Variants in TM2D2 observed in about 807,000 individuals in gnomAD.
TM2D2 encodes TM2 domain-containing protein 2.
A neutral mutation model predicts 23.0 loss-of-function variants in TM2D2; 19 were observed. The ratio of observed to expected loss-of-function variants is 0.82; its 90% CI spans 0.58 to 1.21. The LOEUF is 1.21. Among genes scored for constraint, TM2D2 ranks in the 50% most tolerant of loss-of-function variants. The pLI is 0.00. For synonymous variants in TM2D2, 120 were observed against 108.8 expected (o/e 1.10, Z -0.64); for missense variants, 246 against 265.4 (o/e 0.93, Z 0.51).
At chr8:38,996,985 C>G (rs1312942388), upstream of TM2D2, 6 of 1,544,032 alleles carry the variant, frequency 3.9e-6, no homozygotes, top group East Asian at 2.4e-5. Context: ...ACTTGGGGCC[C>G]CGGCAGGGTT....
chr8:38,994,240 C>T (rs1302481635), intron 2 of TM2D2, among the ~76,000 whole-genome samples: 1 of 152,030 alleles, frequency 6.6e-6, no homozygotes, highest in African/African-American at 2.4e-5. Flanking sequence ...AAATTCCAGC[C>T]AAAAATTTCA....
At position 38,990,554 on chromosome 8, in the gene TM2D2, T is replaced by C. The variant is rs561218478; in HGVS notation, c.*778A>G. The C allele has an allele frequency of 6.6e-6, 1 of 152,236 alleles. No homozygotes were observed. Among genetic ancestry groups the C allele is most frequent in the Non-Finnish European group, 1.5e-5 (1 of 68,052 alleles). The allele number at this position is 152,236 out of a possible 1,614,324, so 9.4% of individuals were successfully genotyped here. On this transcript the variant is annotated 3_prime_UTR_variant, in exon 4 of 4. Transcript: ENST00000456397. Reference sequence around the variant, plus strand: ...GTATGAAATCTTAATTTTATTAGCATGGGCTGGTAAACGCTGATTTTTAGA... The same window carrying C: ...GTATGAAATCTTAATTTTATTAGCACGGGCTGGTAAACGCTGATTTTTAGA...
In TM2D2 at chr8:38,996,483, C is replaced by A. The variant is rs373467896; in HGVS notation, c.-44G>T. 6 of 1,611,316 alleles carry A rather than the reference C, an allele frequency of 3.7e-6. No homozygotes were observed. Among genetic ancestry groups the A allele is most frequent in the Non-Finnish European group, 4.2e-6 (5 of 1,178,516 alleles). On this transcript the variant is annotated 5_prime_UTR_variant, in exon 1 of 4. Coordinates refer to ENST00000456397, the MANE Select transcript of TM2D2 (RefSeq NM_078473.3). ...GGAGACCCGGCCTCAACCACAACCCCAGGCCAGCAGCACAGACCCAAGAAC... is the reference window on the plus strand; with the variant it reads ...GGAGACCCGGCCTCAACCACAACCCAAGGCCAGCAGCACAGACCCAAGAAC...
rs11332696 is a variant in TM2D2 at position 38,992,303 on chromosome 8, C to CAAAAAAAAAAA, written c.432-769_432-759dup. ...CAACATAGCGAGACCCTGTTTCTAC[C>CAAAAAAAAAAA]AAAAAAAAAAAAAAAAAAAAAAAAA... On this transcript the variant is annotated intron_variant, in intron 3 of 3. Transcript: ENST00000456397. 2.7e-4 allele frequency among the ~76,000 whole-genome samples: 13 copies of CAAAAAAAAAAA among 47,416 alleles called. 2 individuals are homozygous for CAAAAAAAAAAA. The highest frequency in any genetic ancestry group is 1.1e-3 in the African/African-American group (12 of 11,038). 31.1% of individuals were successfully genotyped at this position (47,416 alleles called of 152,430 possible).
upstream of TM2D2, chr8:38,996,944 T>TGCTCGTCGGGCGCGCGC (rs769003433): frequency 1.8e-5 from 26 of 1,419,086 alleles, no homozygotes; most frequent in East Asian, 5.1e-5. Context: ...CGGGCGCGCG[T>TGCTCGTCGGGCGCGCGC]GCTCGTCGGG....
rs373467896 is a variant in TM2D2, at chr8:38,996,483, C to T, written c.-44G>A. On this transcript the variant is annotated 5_prime_UTR_variant, in exon 1 of 4. Coordinates refer to ENST00000456397, the MANE Select transcript of TM2D2 (RefSeq NM_078473.3). ...GGAGACCCGGCCTCAACCACAACCC[C>T]AGGCCAGCAGCACAGACCCAAGAAC... The T allele has an allele frequency of 3.6e-3, 5,728 of 1,611,312 alleles. 50 individuals are homozygous for T. Among genetic ancestry groups the T allele is most frequent in the South Asian group, 0.019 (1,723 of 90,890 alleles).
At position 38,996,208 on chromosome 8, in the gene TM2D2, C is replaced by G; in HGVS notation, c.227+5G>C. On this transcript the variant is annotated splice_donor_5th_base_variant and intron_variant, in intron 1 of 3. Coordinates refer to ENST00000456397, the MANE Select transcript of TM2D2 (RefSeq NM_078473.3). ...GTCCACCCGCCTCGACCACTGGTAG[C>G]TTACAGGTAAGAGCAGAGGATGACC... The G allele has an allele frequency of 6.2e-7, 1 of 1,609,504 alleles. No homozygotes were observed. Among genetic ancestry groups the G allele is most frequent in the Non-Finnish European group, 8.5e-7 (1 of 1,176,580 alleles).
At chr8:38,991,886 T>C (rs1247397786) in intron 3 of TM2D2, among the ~76,000 whole-genome samples, 1 of 152,146 alleles carries the variant, frequency 6.6e-6, no homozygotes, top group Non-Finnish European at 1.5e-5. Flanking sequence ...GCAGGGCGAA[T>C]AGTTTAGAAC....
At chr8:38,996,518 A>T, upstream of TM2D2, 1 of 1,572,056 alleles carries the variant, frequency 6.4e-7, no homozygotes, top group Non-Finnish European at 8.7e-7. Context: ...CTGCGTGGTC[A>T]GGCCTTTCCG....
intron 3 of TM2D2, among the ~76,000 whole-genome samples, chr8:38,991,847 TGG>T (rs1245915745): frequency 6.6e-6 from 1 of 152,090 alleles, no homozygotes; most frequent in African/African-American, 2.4e-5. Flanking sequence ...CTATCTTCAT[TGG>T]GGTTTCTGCA....
chr8:38,995,507 G>A, intron 1 of TM2D2, 102 bp from the exon 2 acceptor site: 1 of 1,573,968 alleles, frequency 6.4e-7, no homozygotes, highest in Non-Finnish European at 8.6e-7. Context: ...TCTTCATCAA[G>A]TTTTCTGGGG....
chr8:38,993,885 T>C, intron 2 of TM2D2: 2 of 333,422 alleles, frequency 6.0e-6, no homozygotes, highest in Non-Finnish European at 1.1e-5. Context: ...TCTTCATGAC[T>C]GGCTTCTTCA....
At position 38,991,686 on chromosome 8, in the gene TM2D2, A is replaced by G. The variant is rs778322779; in HGVS notation, c.432-141T>C. The G allele has an allele frequency of 1.6e-4, 108 of 696,468 alleles. 1 individual carries two copies. Among genetic ancestry groups the G allele is most frequent in the Non-Finnish European group, 2.5e-4 (101 of 404,376 alleles). The allele number at this position is 696,468 out of a possible 1,614,324, so 43.1% of individuals were successfully genotyped here. A position where few individuals can be genotyped will look rare whatever the true frequency, so the allele number is the denominator to read the frequency against. On this transcript the variant is annotated intron_variant, in intron 3 of 3. Coordinates refer to ENST00000456397, the MANE Select transcript of TM2D2 (RefSeq NM_078473.3). Reference sequence around the variant, plus strand: ...ACCCTCCATTTTGTTTTCTTTTATGATATGGTCAGTGAGGTGAGAGGATCA... The same window carrying G: ...ACCCTCCATTTTGTTTTCTTTTATGGTATGGTCAGTGAGGTGAGAGGATCA...
At position 38,990,220 on chromosome 8, in the gene TM2D2, T is replaced by A. The variant is rs375338094; in HGVS notation, c.*1112A>T. 1 of 152,202 alleles carries A rather than the reference T, an allele frequency of 6.6e-6. No individual in the cohort carries two copies. The highest frequency in any genetic ancestry group is 1.5e-5 in the Non-Finnish European group (1 of 68,028). 9.4% of individuals were successfully genotyped at this position (152,202 alleles called of 1,614,324 possible). On this transcript the variant is annotated 3_prime_UTR_variant, in exon 4 of 4. Coordinates refer to ENST00000456397, the MANE Select transcript of TM2D2 (RefSeq NM_078473.3). ...AGGGAAGTTATTTCAACTGTGATAT[T>A]TGGTCTTAAATTCAATTATTATTAG...
rs1192031405 is a variant in TM2D2 at position 38,991,543 on chromosome 8, T to C, written c.434A>G (p.Tyr145Cys). 6.2e-7 allele frequency: 1 copy of C among 1,609,408 alleles called. No homozygotes were observed. The highest frequency in any genetic ancestry group is 1.1e-5 in the South Asian group (1 of 90,964). Residue 145 changes from tyrosine to cysteine, a missense_variant and splice_region_variant, in exon 4 of 4, where the codon TAT (tyrosine) becomes TGT (cysteine). Transcript: ENST00000456397. Reference sequence around the variant, plus strand: ...AGTGGTTATGAAGTAGTGTCCGGTATACCTAGGTGAAAGGAATGAAAAGGA... The same window carrying C: ...AGTGGTTATGAAGTAGTGTCCGGTACACCTAGGTGAAAGGAATGAAAAGGA... ...FLRENKPCIK[Y>C]TGHYFITTLL...
intron 3 of TM2D2, among the ~76,000 whole-genome samples, chr8:38,991,772 C>G (rs943509531): frequency 1.3e-5 from 2 of 152,040 alleles, no homozygotes; most frequent in African/African-American, 4.8e-5. Context: ...TCATGTTATA[C>G]AAGGCTACCT....
At chr8:38,996,948 CGTCGGGCGCGCGCGCTT>C (rs780328496), upstream of TM2D2, 1 of 1,444,050 alleles carries the variant, frequency 6.9e-7, no homozygotes, top group South Asian at 1.2e-5. Context: ...CGCGCGTGCT[CGTCGGGCGCGCGCGCTT>C]CCCGGCCAGA....
rs560334264 is a variant in TM2D2 at position 38,990,471 on chromosome 8, T to C, written c.*861A>G. On this transcript the variant is annotated 3_prime_UTR_variant, in exon 4 of 4. Coordinates refer to ENST00000456397, the MANE Select transcript of TM2D2 (RefSeq NM_078473.3). ...TGCAGAGGTGTGGCTGTTATCTCTT[T>C]CTGACTGCTGCAGCCCACAGGGAGA... 6 of 152,350 alleles carry C rather than the reference T, an allele frequency of 3.9e-5. No homozygotes were observed. In the East Asian group the frequency reaches 5.8e-4, roughly 15 times the overall value. 9.4% of individuals were successfully genotyped at this position (152,350 alleles called of 1,614,324 possible). A position where few individuals can be genotyped will look rare whatever the true frequency, so the allele number is the denominator to read the frequency against.
intron 2 of TM2D2, 184 bp from the exon 3 acceptor site, chr8:38,993,844 G>A (rs1480531890): frequency 4.8e-6 from 2 of 420,246 alleles, no homozygotes; most frequent in Admixed American, 4.0e-5. Context: ...CATCTTAAAG[G>A]TACACTGTCT....
Sources: allele counts gnomAD v4.1 joint callset (sites outside exome capture counted in the v4.1 genomes callset), GRCh38; gene constraint gnomAD v4.1.1; transcripts MANE v1.5; gene names NCBI Gene and HGNC (gene_info 2026-07-23, HGNC 2026-07-21).